GNG7: variants seen among roughly 807,000 people sequenced by gnomAD.
GNG7 encodes the protein G protein subunit gamma 7.
A neutral mutation model predicts 4.0 loss-of-function variants in GNG7; 1 was observed. That is an observed-to-expected ratio of 0.25 (90% CI 0.09 to 1.18). GNG7 has a LOEUF of 1.18. Ranked by LOEUF, GNG7 falls within the 50% of genes most tolerant of loss-of-function variation. The probability of loss-of-function intolerance (pLI) is 0.50; values close to 1 mark genes in which losing one functional copy is unlikely to be tolerated. For synonymous variants in GNG7, 34 were observed against 36.9 expected (o/e 0.92, Z 0.29); for missense variants, 86 against 91.9 (o/e 0.94, Z 0.26).
chr19:2,528,231 A>T (rs946081391), intron 3 of GNG7, among the ~76,000 whole-genome samples: 3 of 140,524 alleles, frequency 2.1e-5, no homozygotes, highest in African/African-American at 2.7e-5. Context: ...AGATCGCGCC[A>T]CTGCACTCCG....
Position 2,633,932 on chromosome 19 carries a change from A to G in GNG7, c.-78+12292T>C, listed in dbSNP as rs1355509998. On this transcript the variant is annotated intron_variant, in intron 2 of 4. Transcript: ENST00000382159. The surrounding 1 kb of genome is among the most constrained non-coding windows in gnomAD (Gnocchi z 5.9). ...GCATCCACCAATCGAGGCAGCCACA[A>G]ATGTCTCCTGGGTGCAAAATTGCCC... Among the ~76,000 whole-genome samples, 1 of 151,810 alleles carries G rather than the reference A, an allele frequency of 6.6e-6. No individual in the cohort carries two copies. Among genetic ancestry groups the G allele is most frequent in the Non-Finnish European group, 1.5e-5 (1 of 67,954 alleles).
chr19:2,659,063 G>C (rs552713483), intron 1 of GNG7, among the ~76,000 whole-genome samples: 20 of 151,140 alleles, frequency 1.3e-4, no homozygotes, highest in African/African-American at 3.7e-4. Context: ...TCCACCTCCC[G>C]GGTTCATGCC....
chr19:2,528,561 C>T (rs1978488309), intron 3 of GNG7, among the ~76,000 whole-genome samples: 1 of 151,468 alleles, frequency 6.6e-6, no homozygotes, highest in Admixed American at 6.6e-5. Flanking sequence ...ATTTTATTAG[C>T]ATCCCAGAAT....
At chr19:2,689,635 A>AC (rs1260106130) in intron 1 of GNG7, among the ~76,000 whole-genome samples, 2 of 151,090 alleles carry the variant, frequency 1.3e-5, no homozygotes, top group Admixed American at 6.6e-5. Flanking sequence ...AAAAAAAAAA[A>AC]AAAAAAAAAA....
intron 2 of GNG7, among the ~76,000 whole-genome samples, chr19:2,567,133 A>AAAAAAAAAC (rs1568246153): frequency 1.5e-5 from 1 of 66,662 alleles, no homozygotes; most frequent in African/African-American, 6.9e-5. Context: ...CAAAAAAAAC[A>AAAAAAAAAC]AAAAAAAAAC....
chr19:2,690,603 T>C (rs765000914), intron 1 of GNG7, among the ~76,000 whole-genome samples: 7 of 152,014 alleles, frequency 4.6e-5, no homozygotes, highest in Non-Finnish European at 1.0e-4. Flanking sequence ...TCTTTTTTTT[T>C]TTCTTCTTGA....
chr19:2,628,830 T>G (rs1982085746), intron 2 of GNG7, among the ~76,000 whole-genome samples: 1 of 152,172 alleles, frequency 6.6e-6, no homozygotes, highest in Non-Finnish European at 1.5e-5. Context: ...TCAGGTCAAC[T>G]GACTAGGAAT....
chr19:2,563,138 C>T (rs898868932), intron 2 of GNG7, among the ~76,000 whole-genome samples: 3 of 152,000 alleles, frequency 2.0e-5, no homozygotes, highest in South Asian at 2.1e-4. Flanking sequence ...TTAGTAAAGA[C>T]GGGGTTTCAC....
chr19:2,531,303 C>CAAAAA lies in GNG7; in HGVS notation c.-37-10583_-37-10579dup, dbSNP rs58133235. On this transcript the variant is annotated intron_variant, in intron 3 of 4. Transcript: ENST00000382159. ...TTGGCAGCTGAGTGAGATTCCGTCTCAAAAAAAAAAAAAAAAAAAAAAAAA... is the reference window on the plus strand; with the variant it reads ...TTGGCAGCTGAGTGAGATTCCGTCTCAAAAAAAAAAAAAAAAAAAAAAAAAAAAAA... 7.9e-4 allele frequency among the ~76,000 whole-genome samples: 75 copies of CAAAAA among 95,022 alleles called. 1 individual carries two copies. Among genetic ancestry groups the CAAAAA allele is most frequent in the Admixed American group, 2.4e-3 (20 of 8,360 alleles). 62.3% of individuals were successfully genotyped at this position (95,022 alleles called of 152,430 possible).
At chr19:2,575,140 A>G (rs1980269807) in intron 2 of GNG7, among the ~76,000 whole-genome samples, 1 of 143,284 alleles carries the variant, frequency 7.0e-6, no homozygotes, top group African/African-American at 2.6e-5. Flanking sequence ...GCTGGAGTGC[A>G]GTGGCACCGT....
intron 2 of GNG7, among the ~76,000 whole-genome samples, chr19:2,625,781 T>A (rs1297187906): frequency 6.6e-6 from 1 of 151,452 alleles, no homozygotes; most frequent in African/African-American, 2.4e-5. Context: ...GGTTTTGGGG[T>A]TTTTTGTTTG....
intron 3 of GNG7, among the ~76,000 whole-genome samples, chr19:2,554,159 A>G (rs948203561): frequency 6.9e-6 from 1 of 145,716 alleles, no homozygotes; most frequent in Non-Finnish European, 1.5e-5. Context: ...ATAATATATT[A>G]TATATAATAT....
intron 3 of GNG7, among the ~76,000 whole-genome samples, chr19:2,528,519 G>T (rs1025489822): frequency 2.1e-5 from 3 of 144,626 alleles, no homozygotes; most frequent in African/African-American, 7.7e-5. Context: ...AAAAAAAAAA[G>T]TAAATACAGG....
intron 2 of GNG7, among the ~76,000 whole-genome samples, chr19:2,641,454 G>A (rs1236113290): frequency 6.9e-6 from 1 of 145,546 alleles, no homozygotes; most frequent in Non-Finnish European, 1.5e-5. Context: ...AGAGGCAGGA[G>A]GGTGAGAGTC....
intron 1 of GNG7, among the ~76,000 whole-genome samples, chr19:2,648,811 G>C (rs1438287451): frequency 6.6e-6 from 1 of 152,072 alleles, no homozygotes; most frequent in Non-Finnish European, 1.5e-5. Flanking sequence ...AGGAGGCCCA[G>C]ACTCCTGCCC....
At chr19:2,683,136 C>CG (rs1555703702) in intron 1 of GNG7, among the ~76,000 whole-genome samples, 20 of 151,840 alleles carry the variant, frequency 1.3e-4, no homozygotes, top group Non-Finnish European at 2.9e-5. Context: ...CTACTCGGGA[C>CG]GCTGAGGCAC....
At chr19:2,640,460 T>C (rs1462256477) in intron 2 of GNG7, among the ~76,000 whole-genome samples, 1 of 152,000 alleles carries the variant, frequency 6.6e-6, no homozygotes, top group Non-Finnish European at 1.5e-5. Context: ...TGCCCAGTGA[T>C]GGGAATGAGG....
chr19:2,564,198 C>G (rs1979832012), intron 2 of GNG7, among the ~76,000 whole-genome samples: 4 of 152,174 alleles, frequency 2.6e-5, no homozygotes, highest in Admixed American at 2.6e-4. Context: ...GGGGTCTCTG[C>G]AGATGGAAGA....
At chr19:2,581,853 A>C (rs116073314) in intron 2 of GNG7, among the ~76,000 whole-genome samples, 1,717 of 152,254 alleles carry the variant, frequency 0.011, 40 homozygotes, top group African/African-American at 0.039. Context: ...TGTGTTAGAG[A>C]AACAGAGAAT....
Sources: allele counts gnomAD v4.1 joint callset (sites outside exome capture counted in the v4.1 genomes callset), GRCh38; gene constraint gnomAD v4.1.1; non-coding constraint Gnocchi (gnomAD v3.1); transcripts MANE v1.5; gene names NCBI Gene and HGNC (gene_info 2026-07-23, HGNC 2026-07-21).